TARBP1: variants seen among roughly 807,000 people sequenced by gnomAD.
TARBP1 encodes the protein tRNA (guanosine(18)-2'-O)-methyltransferase TARBP1.
Under a neutral mutation model 178.6 loss-of-function variants are expected in TARBP1, and 144 were observed. The observed-to-expected ratio is 0.81, with a 90% CI of 0.70 to 0.93. The LOEUF is 0.93. TARBP1 is among the 40% of genes least tolerant of loss of function. The pLI is 0.00. For synonymous variants in TARBP1, 787 were observed against 781.0 expected (o/e 1.01, Z -0.13); for missense variants, 2,067 against 2,011.7 (o/e 1.03, Z -0.53).
intron 9 of TARBP1, among the ~76,000 whole-genome samples, chr1:234,450,797 G>T (rs990513879): frequency 4.0e-5 from 6 of 150,152 alleles, no homozygotes; most frequent in African/African-American, 1.5e-4. Context: ...ATATATGTGA[G>T]ATATATATAT....
intron 12 of TARBP1, among the ~76,000 whole-genome samples, chr1:234,442,554 C>A (rs1330947233): frequency 6.6e-6 from 1 of 152,094 alleles, no homozygotes; most frequent in Non-Finnish European, 1.5e-5. Flanking sequence ...AAGTAAAAGC[C>A]TTTATTAAAA....
intron 17 of TARBP1, among the ~76,000 whole-genome samples, chr1:234,428,493 A>C (rs905511195): frequency 6.6e-6 from 1 of 152,230 alleles, no homozygotes; most frequent in East Asian, 1.9e-4. Flanking sequence ...AAGAATGACC[A>C]GTGTTGCTAG....
intron 23 of TARBP1, among the ~76,000 whole-genome samples, chr1:234,408,234 G>A (rs1201622844): frequency 6.7e-6 from 1 of 149,990 alleles, no homozygotes; most frequent in Non-Finnish European, 1.5e-5. Context: ...GGAACACTTC[G>A]TGCTCTGATT....
intron 9 of TARBP1, among the ~76,000 whole-genome samples, chr1:234,453,329 G>GGT (rs1553298138): frequency 7.0e-4 from 63 of 89,982 alleles, no homozygotes; most frequent in Admixed American, 9.4e-4. Context: ...TTTTTTGTGT[G>GGT]TTTTTTTTTT....
intron 11 of TARBP1, among the ~76,000 whole-genome samples, chr1:234,447,910 A>G (rs1240249129): frequency 6.6e-6 from 1 of 152,192 alleles, no homozygotes; most frequent in Non-Finnish European, 1.5e-5. Flanking sequence ...ACCAGTGACT[A>G]TTGTATATGG....
intron 9 of TARBP1, among the ~76,000 whole-genome samples, chr1:234,455,658 T>G (rs1258259068): frequency 1.3e-5 from 2 of 152,134 alleles, no homozygotes; most frequent in Non-Finnish European, 2.9e-5. Flanking sequence ...CAAGGCAAGA[T>G]AGAAGAGCAA....
chr1:234,402,454 TA>T (rs1660777716), intron 24 of TARBP1, among the ~76,000 whole-genome samples: 1 of 152,210 alleles, frequency 6.6e-6, no homozygotes, highest in South Asian at 2.1e-4. Context: ...TTTGAAAAGT[TA>T]AAGACATGAA....
intron 23 of TARBP1, 68 bp from the exon 24 acceptor site, chr1:234,406,167 CA>C: frequency 3.5e-6 from 5 of 1,421,582 alleles, no homozygotes; most frequent in Admixed American, 4.0e-5. Context: ...TTGTATGACA[CA>C]AAAAAAGTAC....
chr1:234,476,670 T>A (rs1033799571), intron 1 of TARBP1, among the ~76,000 whole-genome samples: 4 of 152,250 alleles, frequency 2.6e-5, no homozygotes, highest in Non-Finnish European at 4.4e-5. Flanking sequence ...ATAGATCACC[T>A]GCAAGCAGCA....
intron 22 of TARBP1, among the ~76,000 whole-genome samples, chr1:234,417,126 G>A (rs1662517179): frequency 6.6e-6 from 1 of 152,202 alleles, no homozygotes; most frequent in Admixed American, 6.5e-5. Flanking sequence ...AAAAGAGAAA[G>A]GCTGTCTGCA....
Position 234,467,544 on chromosome 1 carries a change from C to T in TARBP1, c.1206G>A (p.Leu402=), listed in dbSNP as rs17378453. ...AAAATGGAAGAATCTTTGTTTCATA[C>T]AGCTCCAAAAAATGGATAACACCTT... ...SKEGVIHFLE[L]YETKILPFSP... Residue 402 remains leucine (L), a synonymous_variant, in exon 4 of 30, where the codon CTG becomes CTA. Transcript: ENST00000040877. 0.017 allele frequency: 26,509 copies of T among 1,604,072 alleles called. 282 individuals carry two copies. The highest frequency in any genetic ancestry group is 0.032 in the Middle Eastern group (195 of 6,044).
At chr1:234,439,624 G>A (rs1281324122) in intron 12 of TARBP1, among the ~76,000 whole-genome samples, 5 of 152,138 alleles carry the variant, frequency 3.3e-5, no homozygotes, top group Non-Finnish European at 7.4e-5. Flanking sequence ...TCAAGAGTTC[G>A]AGACTAACAT....
intron 21 of TARBP1, among the ~76,000 whole-genome samples, chr1:234,419,742 TA>T (rs1662872876): frequency 6.6e-6 from 1 of 152,072 alleles, no homozygotes; most frequent in African/African-American, 2.4e-5. Context: ...CAAATAATAC[TA>T]AAAGACCTAT....
At chr1:234,453,948 G>A (rs1667040597) in intron 9 of TARBP1, among the ~76,000 whole-genome samples, 1 of 152,102 alleles carries the variant, frequency 6.6e-6, no homozygotes, top group Admixed American at 6.5e-5. Flanking sequence ...ACAAACGAAA[G>A]GAGAGTCAGA....
intron 26 of TARBP1, among the ~76,000 whole-genome samples, chr1:234,397,260 G>C (rs193096693): frequency 1.1e-3 from 8 of 7,106 alleles, no homozygotes; most frequent in African/African-American, 8.3e-3. Context: ...GGAAAGTGGA[G>C]AGGGAGGGAA....
chr1:234,396,208 T>C (rs1245373620), intron 26 of TARBP1, among the ~76,000 whole-genome samples: 3 of 152,192 alleles, frequency 2.0e-5, no homozygotes, highest in African/African-American at 4.8e-5. Flanking sequence ...CCAGTAACAC[T>C]GTATTTCCCT....
At chr1:234,451,830 A>C (rs1666808580) in intron 9 of TARBP1, among the ~76,000 whole-genome samples, 1 of 151,996 alleles carries the variant, frequency 6.6e-6, no homozygotes, top group African/African-American at 2.4e-5. Flanking sequence ...ACAATGAGTG[A>C]GCAAGTCAAT....
At chr1:234,461,750 C>A (rs572601259) in intron 6 of TARBP1, among the ~76,000 whole-genome samples, 1 of 152,256 alleles carries the variant, frequency 6.6e-6, no homozygotes, top group East Asian at 1.9e-4. Flanking sequence ...TCTTGACTAC[C>A]TTGGATTTAA....
chr1:234,465,097 T>A (rs1328718341), intron 5 of TARBP1, among the ~76,000 whole-genome samples: 1 of 151,610 alleles, frequency 6.6e-6, no homozygotes, highest in Non-Finnish European at 1.5e-5. Context: ...GATGGATGGA[T>A]GGATGGCGGA....
Sources: gnomAD v4.1 joint callset for allele counts (sites outside exome capture counted in the v4.1 genomes callset) on GRCh38, gnomAD v4.1.1 for gene constraint, MANE v1.5 for transcripts, NCBI Gene and HGNC (gene_info 2026-07-23, HGNC 2026-07-21) for gene names.